Variants in NCAM1 observed in about 807,000 individuals in gnomAD.
NCAM1 encodes the protein neural cell adhesion molecule 1.
Under a neutral mutation model 109.8 loss-of-function variants are expected in NCAM1, and 14 were observed. The observed-to-expected ratio is 0.13, with a 90% CI of 0.08 to 0.20. The LOEUF (loss-of-function observed/expected upper bound fraction) is 0.20. Among genes scored for constraint, NCAM1 ranks in the 10% least tolerant of loss-of-function variants. The pLI, the probability that NCAM1 is intolerant of heterozygous loss-of-function variation, is 1.00. For synonymous variants in NCAM1, 418 were observed against 442.9 expected (o/e 0.94, Z 0.70); for missense variants, 774 against 1,109.9 (o/e 0.70, Z 4.30).
At chr11:113,114,896 A>G (rs1555094538) in intron 1 of NCAM1, among the ~76,000 whole-genome samples, 1 of 152,230 alleles carries the variant, frequency 6.6e-6, no homozygotes, top group African/African-American at 2.4e-5. Flanking sequence ...ATATAAATTA[A>G]GACGAGCTCT....
rs17597849 is a variant in NCAM1 at position 113,249,417 on chromosome 11, G to A, written c.1828+3047G>A. ...AAAAGGCAGTGAGGTGTGTCAGCCC[G>A]AATCCTGTGGGCAGGGACTGTGGGC... On this transcript the variant is annotated intron_variant, in intron 15 of 19. Coordinates refer to ENST00000316851, the MANE Select transcript of NCAM1 (RefSeq NM_181351.5). Among the ~76,000 whole-genome samples the A allele has an allele frequency of 8.8e-3, 1,331 of 150,494 alleles. 12 individuals carry two copies. The highest frequency in any genetic ancestry group is 0.017 in the Admixed American group (266 of 15,250).
chr11:113,064,763 T>C (rs1269232250), intron 1 of NCAM1, among the ~76,000 whole-genome samples: 1 of 152,194 alleles, frequency 6.6e-6, no homozygotes, highest in Non-Finnish European at 1.5e-5. Context: ...AAATTTAAAA[T>C]GTAAATGACA....
chr11:113,183,920 T>C (rs7943611), intron 1 of NCAM1, among the ~76,000 whole-genome samples: 127,575 of 152,212 alleles, frequency 0.84, 53,895 homozygotes, highest in African/African-American at 0.94. Flanking sequence ...TGTCCTTATA[T>C]ATTTTCTTCT....
intron 15 of NCAM1, among the ~76,000 whole-genome samples, chr11:113,251,693 G>A (rs1324268469): frequency 6.6e-6 from 1 of 152,140 alleles, no homozygotes; most frequent in Non-Finnish European, 1.5e-5. Flanking sequence ...GGTCTTCTGG[G>A]AGCAACCTGC....
chr11:113,082,876 C>T (rs1457111074), intron 1 of NCAM1, among the ~76,000 whole-genome samples: 1 of 152,136 alleles, frequency 6.6e-6, no homozygotes, highest in Non-Finnish European at 1.5e-5. Flanking sequence ...GTGCCTCTTG[C>T]GTCATCAAAT....
chr11:113,214,280 C>G, intron 7 of NCAM1, 89 bp from the exon 8 acceptor site: 1 of 1,415,882 alleles, frequency 7.1e-7, no homozygotes, highest in Non-Finnish European at 9.7e-7. Flanking sequence ...TAGCAGACAG[C>G]TAACCTTTGT....
intron 1 of NCAM1, among the ~76,000 whole-genome samples, chr11:113,127,820 C>CTG (rs200462905): frequency 0.011 from 1,739 of 152,290 alleles, 33 homozygotes; most frequent in African/African-American, 0.039. Flanking sequence ...GATGGGCTGC[C>CTG]TTTCAGCAGG....
intron 1 of NCAM1, among the ~76,000 whole-genome samples, chr11:113,168,738 T>C (rs1231882087): frequency 6.6e-6 from 1 of 152,212 alleles, no homozygotes; most frequent in African/African-American, 2.4e-5. Flanking sequence ...GTTTCTTTTG[T>C]TGAAACGCTG....
At chr11:113,208,075 A>G (rs1944289769) in intron 7 of NCAM1, 73 bp downstream of exon 7, 1 of 1,489,476 alleles carries the variant, frequency 6.7e-7, no homozygotes, top group African/African-American at 1.4e-5. Flanking sequence ...TCCATCAGTA[A>G]GACCCTGGCC....
chr11:112,995,353 C>T (rs1951566472), intron 1 of NCAM1, among the ~76,000 whole-genome samples: 1 of 152,108 alleles, frequency 6.6e-6, no homozygotes, highest in South Asian at 2.1e-4. Flanking sequence ...CTTCTAAATA[C>T]ATTTCTGTTA....
intron 1 of NCAM1, among the ~76,000 whole-genome samples, chr11:113,134,393 G>A (rs1941523902): frequency 1.3e-5 from 2 of 152,204 alleles, no homozygotes; most frequent in African/African-American, 2.4e-5. Flanking sequence ...CCCACTGATG[G>A]ACATCTGGGC....
intron 1 of NCAM1, among the ~76,000 whole-genome samples, chr11:113,141,371 C>T (rs1189211300): frequency 6.6e-6 from 1 of 152,182 alleles, no homozygotes; most frequent in Admixed American, 6.5e-5. Flanking sequence ...ATGGCTCACA[C>T]CTATAATCCC....
At chr11:113,275,061 G>A (rs1270080771) in intron 19 of NCAM1, among the ~76,000 whole-genome samples, 4 of 152,160 alleles carry the variant, frequency 2.6e-5, no homozygotes, top group East Asian at 3.9e-4. Flanking sequence ...CACTGTGTCC[G>A]GACCAATTAA....
intron 1 of NCAM1, among the ~76,000 whole-genome samples, chr11:113,017,752 A>C (rs992758481): frequency 3.3e-5 from 5 of 152,038 alleles, no homozygotes; most frequent in Admixed American, 3.3e-4. Flanking sequence ...TGTATACACA[A>C]AATGCATGAG....
At chr11:113,063,043 A>G (rs1555083673) in intron 1 of NCAM1, among the ~76,000 whole-genome samples, 4 of 152,224 alleles carry the variant, frequency 2.6e-5, no homozygotes, top group Non-Finnish European at 5.9e-5. Flanking sequence ...ACATTTGCAA[A>G]GGCCCCAATG....
In NCAM1 at chr11:113,141,660, C is replaced by T. The variant is rs115550847; in HGVS notation, c.53-60719C>T. Among the ~76,000 whole-genome samples, 1,095 of 152,060 alleles carry T rather than the reference C, an allele frequency of 7.2e-3. 13 individuals carry two copies. Among genetic ancestry groups the T allele is most frequent in the African/African-American group, 0.025 (1,040 of 41,486 alleles). ...GAGACTCCGTCTCAAAACAAACAAA[C>T]AAACAAAAGTTAGTGAAGCTGAAGG... On this transcript the variant is annotated intron_variant, in intron 1 of 19. Transcript: ENST00000316851.
At chr11:113,095,130 C>T (rs910050999) in intron 1 of NCAM1, among the ~76,000 whole-genome samples, 2 of 152,106 alleles carry the variant, frequency 1.3e-5, no homozygotes, top group Non-Finnish European at 2.9e-5. Context: ...TTTATCAAAA[C>T]TCAATAATTT....
chr11:113,093,142 T>C (rs1939428655), intron 1 of NCAM1, among the ~76,000 whole-genome samples: 1 of 152,174 alleles, frequency 6.6e-6, no homozygotes, highest in African/African-American at 2.4e-5. Flanking sequence ...TTTGGGAGTA[T>C]CCAAGAGTGC....
chr11:113,044,482 C>T (rs566353264), intron 1 of NCAM1, among the ~76,000 whole-genome samples: 70 of 151,970 alleles, frequency 4.6e-4, no homozygotes, highest in Middle Eastern at 3.4e-3. Context: ...GTCAAGAGTT[C>T]GAGACCAGCC....
Sources: allele counts gnomAD v4.1 joint callset (sites outside exome capture counted in the v4.1 genomes callset), GRCh38; gene constraint gnomAD v4.1.1; transcripts MANE v1.5; gene names NCBI Gene and HGNC (gene_info 2026-07-23, HGNC 2026-07-21).